ATAD2: variants seen among roughly 807,000 people sequenced by gnomAD.
ATAD2 encodes ATPase family AAA domain-containing protein 2.
ATAD2 carries 62 observed loss-of-function variants against 168.9 expected under a neutral mutation model. The ratio of observed to expected loss-of-function variants is 0.37; its 90% CI spans 0.30 to 0.45. The LOEUF (loss-of-function observed/expected upper bound fraction) is 0.45, where lower values mean the gene tolerates loss of function less well. Among genes scored for constraint, ATAD2 ranks in the 20% least tolerant of loss-of-function variants. ATAD2 has a pLI of 1.00. For missense variants in ATAD2, 1,419 were observed against 1,667.8 expected, an observed-to-expected ratio of 0.85 and a Z score of 2.60; for synonymous variants, 613 against 571.6, an observed-to-expected ratio of 1.07 and a Z score of -1.03.
intron 1 of ATAD2, among the ~76,000 whole-genome samples, chr8:123,382,836 CATT>C (rs1829530511): frequency 6.6e-6 from 1 of 152,140 alleles, no homozygotes; most frequent in African/African-American, 2.4e-5. Flanking sequence ...CCAGCAATCC[CATT>C]ATTGTGTATA....
intron 13 of ATAD2, 54 bp downstream of exon 13, chr8:123,356,335 A>C: frequency 1.7e-4 from 243 of 1,434,112 alleles, no homozygotes; most frequent in Non-Finnish European, 2.3e-4. Flanking sequence ...CTCACACATC[A>C]ATACCACTCA....
At position 123,347,219 on chromosome 8, in the gene ATAD2, T is replaced by C. The variant is rs1563842413; in HGVS notation, c.2085A>G (p.Thr695=). 1.2e-6 allele frequency: 2 copies of C among 1,614,090 alleles called. No homozygotes were observed. Among genetic ancestry groups the C allele is most frequent in the East Asian group, 2.2e-5 (1 of 44,906 alleles). The change falls in exon 16 of 28, where the codon ACA becomes ACG. Residue 695 remains threonine, a synonymous_variant. Coordinates refer to ENST00000287394, the MANE Select transcript of ATAD2 (RefSeq NM_014109.4). ...CGGTGGACAGTGCCTGCCCAGGTGA[T>C]GTCACAGCTCTTTGGGAGGCTGGTA... ...KMIPASQRAV[T]SPGQALSTVV... is the part of the protein sequence containing the mutation.
At chr8:123,399,529 A>T (rs909483574), upstream of ATAD2, among the ~76,000 whole-genome samples, 1 of 152,156 alleles carries the variant, frequency 6.6e-6, no homozygotes, top group African/African-American at 2.4e-5. Context: ...AGAGTGGTTG[A>T]AGGAAGAGGA....
At chr8:123,371,170 G>A in intron 5 of ATAD2, 66 bp downstream of exon 5, 8 of 1,290,418 alleles carry the variant, frequency 6.2e-6, no homozygotes, top group Non-Finnish European at 8.7e-6. Flanking sequence ...ATGAAAAATG[G>A]ATTAGGTACT....
In ATAD2 at chr8:123,371,218, A is replaced by G; in HGVS notation, c.639+18T>C. 6.4e-7 allele frequency: 1 copy of G among 1,561,442 alleles called. No homozygotes were observed. The highest frequency in any genetic ancestry group is 8.7e-7 in the Non-Finnish European group (1 of 1,147,018). ...AACTGGATATTAAATCATTCCCTTA[A>G]TGGAAGAATATATTTACTTCTTCTG... On this transcript the variant is annotated intron_variant, in intron 5 of 27. Coordinates refer to ENST00000287394, the MANE Select transcript of ATAD2 (RefSeq NM_014109.4).
At chr8:123,413,010 A>G (rs2130057293) in intron 1 of ATAD2, among the ~76,000 whole-genome samples, 1 of 152,204 alleles carries the variant, frequency 6.6e-6, no homozygotes, top group East Asian at 1.9e-4. Flanking sequence ...AATTGTAAAT[A>G]TGTATTACTT....
rs781257156 is a variant in ATAD2, at chr8:123,361,543, T to C, written c.1153A>G (p.Asn385Asp). 6.2e-7 allele frequency: 1 copy of C among 1,611,862 alleles called. No homozygotes were observed. Among genetic ancestry groups the C allele is most frequent in the Admixed American group, 1.7e-5 (1 of 59,984 alleles). Reference sequence around the variant, plus strand: ...AGGCATCAATATGGCACTTACCTATTGATAGCCCTATTACGACTCCTTTTC... The same window carrying C: ...AGGCATCAATATGGCACTTACCTATCGATAGCCCTATTACGACTCCTTTTC... ...RRKRSRNRAINRCLPLNFRKD... is the reference protein window; with the variant it reads ...RRKRSRNRAIDRCLPLNFRKD... Residue 385 changes from asparagine (N) to aspartate (D), a missense_variant, in exon 9 of 28, where the codon AAT becomes GAT. Around this residue, in one of 5 missense-constraint regions of ATAD2, gnomAD observed 146 missense variants for 188.3 expected, o/e 0.78. Coordinates refer to ENST00000287394, the MANE Select transcript of ATAD2 (RefSeq NM_014109.4).
rs569166844 is a variant in ATAD2 at position 123,411,039 on chromosome 8, A to G, written c.-2282+5209T>C. Among the ~76,000 whole-genome samples the G allele has an allele frequency of 2.0e-5, 3 of 152,232 alleles. No homozygotes were observed. The East Asian group carries it at 5.8e-4, about 29-fold the overall frequency. On this transcript the variant is annotated intron_variant, in intron 1 of 28. Coordinates refer to the ATAD2 transcript ENST00000521903. ...ATGGCCCAAGATTCCATTCCTTGGA[A>G]TCCATGAGGCCAAGAACCCCAGGTC... is the stretch of plus-strand genomic sequence containing the variant.
At chr8:123,340,003 T>G (rs774090437) in intron 19 of ATAD2, among the ~76,000 whole-genome samples, 7 of 151,996 alleles carry the variant, frequency 4.6e-5, no homozygotes, top group Non-Finnish European at 7.4e-5. Context: ...AATCCTCTTA[T>G]CTCAGCCTCC....
intron 1 of ATAD2, among the ~76,000 whole-genome samples, chr8:123,413,024 A>G (rs1010795339): frequency 1.3e-5 from 2 of 151,908 alleles, no homozygotes; most frequent in African/African-American, 4.8e-5. Flanking sequence ...ATTACTTACA[A>G]CTCAGAAGTC....
At chr8:123,361,687 C>A (rs1455485357) in intron 8 of ATAD2, 41 bp from the exon 9 acceptor site, 4 of 1,511,786 alleles carry the variant, frequency 2.6e-6, no homozygotes, top group East Asian at 2.3e-5. Flanking sequence ...TAAGGAAGGG[C>A]AGGAAAAAGA....
rs201572241 is a variant in ATAD2, at chr8:123,405,615, G to T, written c.-2281-4440C>A. On this transcript the variant is annotated intron_variant, in intron 1 of 28. Transcript: ENST00000521903. The stretch of plus-strand genomic sequence containing the variant: ...TACAAGTAAGTATGAGCATGTGTTT[G>T]CATGGGTATTAATTTTCACCCTGTT... Among the ~76,000 whole-genome samples, 3 of 152,296 alleles carry T rather than the reference G, an allele frequency of 2.0e-5. No individual in the cohort carries two copies. The East Asian group carries it at 5.8e-4, about 29-fold the overall frequency.
intron 24 of ATAD2, among the ~76,000 whole-genome samples, chr8:123,329,981 CTT>C (rs71310666): frequency 4.2e-4 from 42 of 100,322 alleles, no homozygotes; most frequent in African/African-American, 1.4e-3. Flanking sequence ...CCAGTGGCTT[CTT>C]TTTTTTTTTT....
intron 2 of ATAD2, among the ~76,000 whole-genome samples, chr8:123,378,751 G>T (rs1829402161): frequency 6.8e-6 from 1 of 147,808 alleles, no homozygotes; most frequent in South Asian, 2.1e-4. Flanking sequence ...AGAGCAGGAG[G>T]ATTTCAGTCT....
At chr8:123,362,888 G>A (rs1828867762) in intron 8 of ATAD2, among the ~76,000 whole-genome samples, 1 of 152,136 alleles carries the variant, frequency 6.6e-6, no homozygotes, top group Non-Finnish European at 1.5e-5. Context: ...AAATGTGGAT[G>A]AGTTACTCAA....
At chr8:123,345,259 A>G (rs1333613738) in intron 18 of ATAD2, among the ~76,000 whole-genome samples, 190 bp from the exon 19 acceptor site, 1 of 152,238 alleles carries the variant, frequency 6.6e-6, no homozygotes, top group African/African-American at 2.4e-5. Context: ...TTGGAAAAAG[A>G]TAATTTCTTC....
At chr8:123,322,898 C>A in intron 27 of ATAD2, 40 bp downstream of exon 27, 2 of 1,592,630 alleles carry the variant, frequency 1.3e-6, no homozygotes, top group African/African-American at 1.3e-5. Flanking sequence ...TTAATGTGAC[C>A]ACAAGAGCAT....
chr8:123,396,419 A>G lies in ATAD2; in HGVS notation c.-62T>C. The G allele has an allele frequency of 7.0e-7, 1 of 1,435,198 alleles. No homozygotes were observed. Among genetic ancestry groups the G allele is most frequent in the Non-Finnish European group, 9.1e-7 (1 of 1,094,060 alleles). 88.9% of individuals were successfully genotyped at this position (1,435,198 alleles called of 1,614,324 possible). A position where few individuals can be genotyped will look rare whatever the true frequency, so the allele number is the denominator to read the frequency against. On this transcript the variant is annotated 5_prime_UTR_variant, in exon 1 of 28. Transcript: ENST00000287394. ...GAGAGATCCAGCTCCAGGCGCTCGC[A>G]GCTCTGGCTCTTCCGCGCTCCGAAT... is the stretch of plus-strand genomic sequence containing the variant.
At chr8:123,339,075 C>T (rs1417305945) in intron 20 of ATAD2, among the ~76,000 whole-genome samples, 2 of 152,098 alleles carry the variant, frequency 1.3e-5, no homozygotes, top group Admixed American at 1.3e-4. Context: ...AGGCAGAACA[C>T]AAGTGCCCAA....
Sources: gnomAD v4.1 joint callset for allele counts (sites outside exome capture counted in the v4.1 genomes callset) on GRCh38, gnomAD v4.1.1 for gene constraint, gnomAD v4.1.1 regional missense constraint, MANE v1.5 for transcripts, NCBI Gene and HGNC (gene_info 2026-07-23, HGNC 2026-07-21) for gene names.